ATRNL1: variants seen among roughly 807,000 people sequenced by gnomAD.
ATRNL1 encodes the protein attractin-like protein 1.
ATRNL1 carries 95 observed loss-of-function variants against 182.7 expected under a neutral mutation model. The ratio of observed to expected loss-of-function variants is 0.52; its 90% CI spans 0.44 to 0.62. ATRNL1 has a LOEUF of 0.62. Among genes scored for constraint, ATRNL1 ranks in the 20% least tolerant of loss-of-function variants. The pLI, the probability that ATRNL1 is intolerant of heterozygous loss-of-function variation, is 0.00. For missense variants in ATRNL1, 1,471 were observed against 1,679.5 expected, an observed-to-expected ratio of 0.88 and a Z score of 2.17; for synonymous variants, 576 against 568.3, an observed-to-expected ratio of 1.01 and a Z score of -0.19.
intron 20 of ATRNL1, among the ~76,000 whole-genome samples, chr10:115,423,920 A>G (rs1845760287): frequency 1.3e-5 from 2 of 152,216 alleles, no homozygotes; most frequent in African/African-American, 2.4e-5. Context: ...CAAAAGCAAA[A>G]ATAGAGAAAT....
At chr10:115,309,177 T>A (rs1853890903) in intron 17 of ATRNL1, among the ~76,000 whole-genome samples, 1 of 152,104 alleles carries the variant, frequency 6.6e-6, no homozygotes, top group Non-Finnish European at 1.5e-5. Context: ...ATTACTATAG[T>A]CTTATAGTAT....
At chr10:115,574,356 A>G (rs200140520) in intron 26 of ATRNL1, among the ~76,000 whole-genome samples, 1 of 46,534 alleles carries the variant, frequency 2.1e-5, no homozygotes, top group South Asian at 1.5e-3. Context: ...ATATAAATGT[A>G]TATATATATA....
At chr10:115,674,637 G>T (rs2133936086) in intron 26 of ATRNL1, among the ~76,000 whole-genome samples, 1 of 152,100 alleles carries the variant, frequency 6.6e-6, no homozygotes, top group South Asian at 2.1e-4. Context: ...CTGTGTATTT[G>T]CCCATTTATA....
intron 27 of ATRNL1, among the ~76,000 whole-genome samples, chr10:115,809,507 T>G (rs1055509437): frequency 2.6e-5 from 4 of 152,040 alleles, no homozygotes; most frequent in Non-Finnish European, 5.9e-5. Flanking sequence ...CAGTAATGGA[T>G]TTTTAGTGAA....
At chr10:115,619,368 A>T (rs2133799914) in intron 26 of ATRNL1, among the ~76,000 whole-genome samples, 1 of 152,210 alleles carries the variant, frequency 6.6e-6, no homozygotes, top group Non-Finnish European at 1.5e-5. Flanking sequence ...CACAGCCCCT[A>T]GTACCAGAGG....
rs78925761 is a variant in ATRNL1 at position 115,441,858 on chromosome 10, T to G, written c.3322+15556T>G. On this transcript the variant is annotated intron_variant, in intron 21 of 28. Transcript: ENST00000355044. ...CCAAAGACTTCTTTGAGCCCCCCTC[T>G]CTGATACCTTTCCTTTCTCAACCCT... 4.5e-3 allele frequency among the ~76,000 whole-genome samples: 681 copies of G among 152,058 alleles called. 7 individuals are homozygous for G. The highest frequency in any genetic ancestry group is 0.015 in the African/African-American group (638 of 41,544).
intron 28 of ATRNL1, among the ~76,000 whole-genome samples, chr10:115,863,463 G>T (rs1220576978): frequency 6.6e-6 from 1 of 152,178 alleles, no homozygotes; most frequent in Admixed American, 6.5e-5. Context: ...TAATGTCCAT[G>T]CTAGGATTGA....
chr10:115,382,692 C>CTT (rs34063669), intron 19 of ATRNL1, among the ~76,000 whole-genome samples: 61 of 114,262 alleles, frequency 5.3e-4, no homozygotes, highest in African/African-American at 1.5e-3. Context: ...CTGTTCTTTG[C>CTT]TTTTTTTTTT....
intron 19 of ATRNL1, among the ~76,000 whole-genome samples, chr10:115,364,761 G>A (rs1554945370): frequency 6.6e-6 from 1 of 151,822 alleles, no homozygotes; most frequent in African/African-American, 2.4e-5. Context: ...GGCTTTTTCT[G>A]CATCTATTGA....
chr10:115,445,849 T>C (rs1846960877), intron 21 of ATRNL1, among the ~76,000 whole-genome samples: 1 of 1,832 alleles, frequency 5.5e-4, no homozygotes, highest in Non-Finnish European at 1.0e-3. Flanking sequence ...CATAACAAAA[T>C]AAATCAGTCT....
chr10:115,571,627 A>G (rs572061145), intron 26 of ATRNL1, among the ~76,000 whole-genome samples: 3 of 152,272 alleles, frequency 2.0e-5, no homozygotes, highest in South Asian at 2.1e-4. Context: ...TTATTTTGCT[A>G]TAACTATTTT....
intron 13 of ATRNL1, among the ~76,000 whole-genome samples, chr10:115,279,018 T>C (rs7085221): frequency 0.012 from 1,773 of 151,736 alleles, 33 homozygotes; most frequent in African/African-American, 0.039. Flanking sequence ...CTGGCTAACA[T>C]GGTGAAACCC....
chr10:115,329,171 G>A (rs934364842), intron 18 of ATRNL1, among the ~76,000 whole-genome samples: 1 of 151,800 alleles, frequency 6.6e-6, no homozygotes, highest in South Asian at 2.1e-4. Context: ...TTAGGAGCAT[G>A]TTCTTTAATT....
intron 26 of ATRNL1, among the ~76,000 whole-genome samples, chr10:115,568,840 A>G (rs1192559695): frequency 1.3e-5 from 2 of 152,100 alleles, no homozygotes; most frequent in Non-Finnish European, 1.5e-5. Flanking sequence ...CCCTGCCTTC[A>G]TAGATAAACA....
chr10:115,802,251 G>T (rs1161406519), intron 27 of ATRNL1, among the ~76,000 whole-genome samples: 76 of 152,204 alleles, frequency 5.0e-4, no homozygotes, highest in African/African-American at 1.8e-3. Context: ...TTGATATTCT[G>T]GGAAAGCTAC....
chr10:115,414,043 G>T (rs772577652), intron 20 of ATRNL1, among the ~76,000 whole-genome samples: 1 of 152,008 alleles, frequency 6.6e-6, no homozygotes, highest in South Asian at 2.1e-4. Flanking sequence ...CAAGGCTTTT[G>T]TACCTTCTCC....
chr10:115,162,977 G>A (rs1376411402), intron 6 of ATRNL1, among the ~76,000 whole-genome samples: 1 of 151,800 alleles, frequency 6.6e-6, no homozygotes, highest in Non-Finnish European at 1.5e-5. Flanking sequence ...TTAGTGGAGG[G>A]GAGGGGTTAA....
chr10:115,328,147 T>C (rs1855014719), intron 18 of ATRNL1, among the ~76,000 whole-genome samples: 1 of 152,192 alleles, frequency 6.6e-6, no homozygotes, highest in East Asian at 1.9e-4. Context: ...GATAATGTTA[T>C]AAAATTAAAG....
intron 27 of ATRNL1, among the ~76,000 whole-genome samples, chr10:115,773,209 C>CA (rs1274363833): frequency 6.6e-6 from 1 of 152,014 alleles, no homozygotes. Context: ...GGAAAAGTGG[C>CA]AAAAAATCCA....
Sources: gnomAD v4.1 joint callset for allele counts (sites outside exome capture counted in the v4.1 genomes callset) on GRCh38, gnomAD v4.1.1 for gene constraint, MANE v1.5 for transcripts, NCBI Gene and HGNC (gene_info 2026-07-23, HGNC 2026-07-21) for gene names.